Variants in WWOX observed in about 807,000 individuals in gnomAD.
WWOX encodes WW domain-containing oxidoreductase.
In WWOX, 69 loss-of-function variants were observed where a neutral mutation model predicts 46.2. That is an observed-to-expected ratio of 1.49 (90% CI 1.23 to 1.82). The LOEUF (loss-of-function observed/expected upper bound fraction) is 1.82. WWOX is among the 40% of genes most tolerant of loss of function. WWOX has a pLI of 0.00. For missense variants in WWOX, 919 were observed against 542.6 expected (o/e 1.69, Z -6.89); for synonymous variants, 359 against 202.6 (o/e 1.77, Z -6.56).
intron 5 of WWOX, among the ~76,000 whole-genome samples, chr16:78,171,517 A>C (rs955338532): frequency 6.6e-6 from 1 of 152,144 alleles, no homozygotes; most frequent in Non-Finnish European, 1.5e-5. Flanking sequence ...TACGAGCCTC[A>C]TGCCTGTCTA....
intron 8 of WWOX, among the ~76,000 whole-genome samples, chr16:79,045,864 C>T (rs1348368523): frequency 8.2e-6 from 1 of 121,540 alleles, no homozygotes; most frequent in African/African-American, 3.0e-5. Flanking sequence ...TGCAGTGGCA[C>T]AATCTCAGCT....
intron 5 of WWOX, chr16:78,264,998 T>A: frequency 9.2e-6 from 1 of 109,202 alleles, no homozygotes; most frequent in East Asian, 3.5e-4. Context: ...TCTTTCTTTC[T>A]TTCTTTTTTT....
chr16:78,329,520 GGT>G (rs2080708841), intron 5 of WWOX, among the ~76,000 whole-genome samples: 1 of 152,166 alleles, frequency 6.6e-6, no homozygotes, highest in Admixed American at 6.5e-5. Flanking sequence ...TTCTTGGGTA[GGT>G]GTGTGACTGT....
intron 8 of WWOX, among the ~76,000 whole-genome samples, chr16:78,476,333 A>T (rs2084347808): frequency 1.3e-5 from 2 of 152,004 alleles, no homozygotes. Context: ...GGAAACCATC[A>T]TTCTCAGCAA....
At chr16:78,734,388 C>T (rs1247151857) in intron 8 of WWOX, among the ~76,000 whole-genome samples, 1 of 152,142 alleles carries the variant, frequency 6.6e-6, no homozygotes, top group Non-Finnish European at 1.5e-5. Context: ...CTAACACCTT[C>T]CCTATGATAG....
intron 8 of WWOX, among the ~76,000 whole-genome samples, chr16:78,577,106 C>T (rs147466346): frequency 2.2e-4 from 33 of 152,308 alleles, no homozygotes; most frequent in Middle Eastern, 3.4e-3. Context: ...ACATTCTTCT[C>T]TTGGTGTAAA....
intron 5 of WWOX, chr16:78,167,433 A>G (rs938020252): frequency 6.6e-6 from 1 of 152,204 alleles, no homozygotes; most frequent in African/African-American, 2.4e-5. Context: ...TTACTCTAAC[A>G]TGTAGTACCT....
At chr16:78,611,053 G>C (rs966851667) in intron 8 of WWOX, among the ~76,000 whole-genome samples, 2 of 152,178 alleles carry the variant, frequency 1.3e-5, no homozygotes, top group African/African-American at 4.8e-5. Context: ...ATCATATGTT[G>C]TTTAATTGAG....
intron 5 of WWOX, among the ~76,000 whole-genome samples, chr16:78,351,492 G>C (rs1335005988): frequency 6.6e-6 from 1 of 152,154 alleles, no homozygotes; most frequent in East Asian, 1.9e-4. Context: ...GGGCAGAGGG[G>C]TGGTCTGCCC....
chr16:78,345,458 CAAAAAAAAAAAAAAAAAAAA>C (rs71137889), intron 5 of WWOX, among the ~76,000 whole-genome samples: 4,129 of 26,814 alleles, frequency 0.15, 951 homozygotes, highest in African/African-American at 0.33. Flanking sequence ...CCATCGCTAC[CAAAAAAAAAAAAAAAAAAAA>C]AAAAAAAAAA....
At position 79,102,121 on chromosome 16, in the gene WWOX, G is replaced by A. The variant is rs1022035412; in HGVS notation, c.1057-109487G>A. On this transcript the variant is annotated intron_variant, in intron 8 of 8. Coordinates refer to ENST00000566780, the MANE Select transcript of WWOX (RefSeq NM_016373.4). ...GTGGGCAGGTTCAGGGACTGAGGCC[G>A]GAAGCAAAACAATGTACTGGAGTGC... is the stretch of plus-strand genomic sequence containing the variant. Among the ~76,000 whole-genome samples the A allele has an allele frequency of 7.3e-5, 11 of 150,698 alleles. 1 individual carries two copies. The highest frequency in any genetic ancestry group is 5.3e-4 in the Admixed American group (8 of 15,128).
At chr16:78,156,335 G>A (rs1038799680) in intron 4 of WWOX, among the ~76,000 whole-genome samples, 5 of 152,140 alleles carry the variant, frequency 3.3e-5, no homozygotes, top group African/African-American at 1.2e-4. Context: ...TAGAAAAACG[G>A]CGTGCTTTTC....
chr16:78,354,885 A>G (rs1216408825), intron 5 of WWOX, among the ~76,000 whole-genome samples: 2 of 152,124 alleles, frequency 1.3e-5, no homozygotes, highest in Non-Finnish European at 1.5e-5. Context: ...TATAATCCCA[A>G]CACTTTTGGA....
intron 4 of WWOX, among the ~76,000 whole-genome samples, chr16:78,131,791 G>T (rs535773857): frequency 4.8e-4 from 72 of 151,082 alleles, no homozygotes; most frequent in Non-Finnish European, 9.1e-4. Flanking sequence ...TCACCATGTT[G>T]GCCAGGACGG....
rs554133754 is a variant in WWOX, at chr16:78,436,263, G to C, written c.1056+3511G>C. Among the ~76,000 whole-genome samples, 7 of 152,290 alleles carry C rather than the reference G, an allele frequency of 4.6e-5. No homozygotes were observed. In the East Asian group the frequency reaches 1.2e-3, roughly 25 times the overall value. On this transcript the variant is annotated intron_variant, in intron 8 of 8. Coordinates refer to ENST00000566780, the MANE Select transcript of WWOX (RefSeq NM_016373.4). ...TCTGGAAAGGGAAGAGAAGGGCTTT[G>C]TCCCTGGCCCCAAAGACTCAGGGAG...
chr16:79,162,833 G>T (rs901283149), intron 8 of WWOX, among the ~76,000 whole-genome samples: 6 of 152,126 alleles, frequency 3.9e-5, no homozygotes, highest in African/African-American at 1.4e-4. Flanking sequence ...CCAACCTTCT[G>T]CAAACCATGT....
At chr16:78,616,951 T>C (rs1436661840) in intron 8 of WWOX, among the ~76,000 whole-genome samples, 1 of 152,210 alleles carries the variant, frequency 6.6e-6, no homozygotes, top group Non-Finnish European at 1.5e-5. Flanking sequence ...ATGTTCCTTT[T>C]GCTTTAACAA....
chr16:78,760,367 A>T (rs925790635), intron 8 of WWOX, among the ~76,000 whole-genome samples: 1 of 152,216 alleles, frequency 6.6e-6, no homozygotes, highest in Non-Finnish European at 1.5e-5. Context: ...TTGGATGGGG[A>T]CACAGCCAAA....
intron 8 of WWOX, chr16:79,206,567 G>A (rs1408438877): frequency 6.6e-6 from 1 of 152,198 alleles, no homozygotes; most frequent in Non-Finnish European, 1.5e-5. Context: ...CTCAATAAAT[G>A]CTAGTCATTG....
Sources: gnomAD v4.1 joint callset for allele counts (sites outside exome capture counted in the v4.1 genomes callset) on GRCh38, gnomAD v4.1.1 for gene constraint, MANE v1.5 for transcripts, NCBI Gene and HGNC (gene_info 2026-07-23, HGNC 2026-07-21) for gene names.